KLRD1: variants seen among roughly 807,000 people sequenced by gnomAD.
KLRD1 encodes natural killer cells antigen CD94.
A neutral mutation model predicts 22.6 loss-of-function variants in KLRD1; 21 were observed. The observed-to-expected ratio is 0.93, with a 90% CI of 0.66 to 1.34. KLRD1 has a LOEUF of 1.34. KLRD1 is among the 40% of genes most tolerant of loss of function. The pLI, the probability that KLRD1 is intolerant of heterozygous loss-of-function variation, is 0.00. For synonymous variants in KLRD1, 59 were observed against 71.1 expected (o/e 0.83, Z 0.85); for missense variants, 183 against 208.6 (o/e 0.88, Z 0.76).
chr12:10,239,517 CCCTT>C (rs1465220790), intron 1 of KLRD1, among the ~76,000 whole-genome samples: 1 of 45,814 alleles, frequency 2.2e-5, no homozygotes, highest in African/African-American at 6.6e-5. Flanking sequence ...TCCTTCCCTC[CCCTT>C]TCTTTCTTTC....
chr12:10,243,636 G>GAAAAAAAAAAAAAAAAAAAAAA, intron 1 of KLRD1, among the ~76,000 whole-genome samples: 1 of 124,428 alleles, frequency 8.0e-6, no homozygotes, highest in East Asian at 2.4e-4. Flanking sequence ...AAAAAAAACC[G>GAAAAAAAAAAAAAAAAAAAAAA]AAATGAAAGA....
At chr12:10,293,024 A>ATTT (rs1224037713) in intron 1 of KLRD1, among the ~76,000 whole-genome samples, 1 of 138,704 alleles carries the variant, frequency 7.2e-6, no homozygotes, top group Non-Finnish European at 1.6e-5. Flanking sequence ...CTAGTTTCCA[A>ATTT]TTTTTTTTTT....
chr12:10,251,147 T>G (rs549926496), intron 1 of KLRD1, among the ~76,000 whole-genome samples: 1 of 151,746 alleles, frequency 6.6e-6, no homozygotes, highest in Non-Finnish European at 1.5e-5. Flanking sequence ...CTTTTTGAGA[T>G]GGGGTCTCAC....
Position 10,316,166 on chromosome 12 carries a change from C to T in KLRD1, c.*1373C>T, listed in dbSNP as rs1470841554. The stretch of plus-strand genomic sequence containing the variant: ...ATGAAAGGATTTGGAACCTTAATTG[C>T]ATCTGAAAAACTGCCTCACCTTTGT... On this transcript the variant is annotated 3_prime_UTR_variant, in exon 6 of 6. Coordinates refer to ENST00000336164, the MANE Select transcript of KLRD1 (RefSeq NM_002262.5). 6.9e-6 allele frequency: 1 copy of T among 145,710 alleles called. No homozygotes were observed. Among genetic ancestry groups the T allele is most frequent in the African/African-American group, 2.5e-5 (1 of 39,264 alleles). 9.0% of individuals were successfully genotyped at this position (145,710 alleles called of 1,614,324 possible).
intron 1 of KLRD1, among the ~76,000 whole-genome samples, chr12:10,276,968 A>G (rs147062151): frequency 7.2e-5 from 11 of 152,306 alleles, no homozygotes; most frequent in African/African-American, 1.7e-4. Context: ...TGGAAACAAA[A>G]TCATTCAGAT....
chr12:10,303,586 T>G (rs74841010), upstream of KLRD1, among the ~76,000 whole-genome samples: 2,478 of 152,322 alleles, frequency 0.016, 60 homozygotes, highest in African/African-American at 0.056. Flanking sequence ...AAAGGGCAGC[T>G]TTTCACATGA....
chr12:10,296,339 AC>A (rs1350824903), intron 1 of KLRD1, among the ~76,000 whole-genome samples: 13 of 152,060 alleles, frequency 8.5e-5, no homozygotes, highest in African/African-American at 2.9e-4. Flanking sequence ...ACACAGTGAA[AC>A]CCCGTCTCTA....
chr12:10,320,590 A>G lies in KLRD1; in HGVS notation c.*5797A>G, dbSNP rs1293520316. On this transcript the variant is annotated 3_prime_UTR_variant, in exon 6 of 6. Transcript: ENST00000336164. Reference sequence around the variant, plus strand: ...TATAGAACACACATAAGCTAATGGAAGGGCTGTTGAGCAAAAGAAGACAGA... The same window carrying G: ...TATAGAACACACATAAGCTAATGGAGGGGCTGTTGAGCAAAAGAAGACAGA... The G allele has an allele frequency of 6.6e-6, 1 of 152,222 alleles. No individual in the cohort carries two copies. The highest frequency in any genetic ancestry group is 6.5e-5 in the Admixed American group (1 of 15,280). The allele number at this position is 152,222 out of a possible 1,614,324, so 9.4% of individuals were successfully genotyped here. A position where few individuals can be genotyped will look rare whatever the true frequency, so the allele number is the denominator to read the frequency against.
Position 10,286,662 on chromosome 12 carries a change from C to CTTTTTTT in KLRD1, c.-100-21295_-100-21289dup, listed in dbSNP as rs747241701. Among the ~76,000 whole-genome samples, 58 of 54,806 alleles carry CTTTTTTT rather than the reference C, an allele frequency of 1.1e-3. 13 individuals are homozygous for CTTTTTTT. The highest frequency in any genetic ancestry group is 3.9e-3 in the African/African-American group (50 of 12,944). 36.0% of individuals were successfully genotyped at this position (54,806 alleles called of 152,430 possible). A position where few individuals can be genotyped will look rare whatever the true frequency, so the allele number is the denominator to read the frequency against. On this transcript the variant is annotated intron_variant, in intron 1 of 5. Coordinates refer to the KLRD1 transcript ENST00000544747. ...TCATCATTTTATTTCGCTTATGGTGCTTTTTTTTTTTTTTTTTTTTTTTTT... is the reference window on the plus strand; with the variant it reads ...TCATCATTTTATTTCGCTTATGGTGCTTTTTTTTTTTTTTTTTTTTTTTTTTTTTTTT...
At chr12:10,278,011 A>G (rs1488086675) in intron 1 of KLRD1, among the ~76,000 whole-genome samples, 1 of 152,232 alleles carries the variant, frequency 6.6e-6, no homozygotes, top group Non-Finnish European at 1.5e-5. Flanking sequence ...ATGACAACAC[A>G]GCGACCATCA....
At chr12:10,292,086 A>G (rs1949775782) in intron 1 of KLRD1, among the ~76,000 whole-genome samples, 1 of 152,198 alleles carries the variant, frequency 6.6e-6, no homozygotes, top group Non-Finnish European at 1.5e-5. Context: ...GATTGTAAAT[A>G]GTGAATGCGG....
chr12:10,263,383 A>G (rs1308056297), intron 1 of KLRD1, among the ~76,000 whole-genome samples: 2 of 152,052 alleles, frequency 1.3e-5, no homozygotes, highest in Non-Finnish European at 2.9e-5. Flanking sequence ...CTACCTTCAT[A>G]TATGAAATCT....
chr12:10,273,619 A>G (rs1315292034), intron 1 of KLRD1, among the ~76,000 whole-genome samples: 2 of 152,238 alleles, frequency 1.3e-5, no homozygotes, highest in Non-Finnish European at 2.9e-5. Flanking sequence ...TAACAAAAGC[A>G]TATAATTTCA....
At chr12:10,249,989 T>C (rs1949329956) in intron 1 of KLRD1, among the ~76,000 whole-genome samples, 2 of 152,184 alleles carry the variant, frequency 1.3e-5, no homozygotes, top group African/African-American at 4.8e-5. Context: ...ATAGTAGTCC[T>C]TTTGTTTTCT....
intron 1 of KLRD1, among the ~76,000 whole-genome samples, chr12:10,244,237 GAA>G (rs569594806): frequency 6.7e-6 from 1 of 149,302 alleles, no homozygotes; most frequent in Non-Finnish European, 1.5e-5. Context: ...GAACATAAAA[GAA>G]AAGAGAGAGA....
At chr12:10,270,154 T>A (rs2137642435) in intron 1 of KLRD1, among the ~76,000 whole-genome samples, 1 of 152,310 alleles carries the variant, frequency 6.6e-6, no homozygotes, top group Non-Finnish European at 1.5e-5. Flanking sequence ...CACTCAGCTA[T>A]CCACTAACAT....
chr12:10,241,586 A>C (rs1949241281), intron 1 of KLRD1, among the ~76,000 whole-genome samples: 1 of 152,146 alleles, frequency 6.6e-6, no homozygotes. Context: ...AAAGATTTAC[A>C]CCTCAAAGCG....
intron 5 of KLRD1, among the ~76,000 whole-genome samples, 195 bp downstream of exon 5, chr12:10,313,708 C>G (rs1194516729): frequency 1.3e-5 from 2 of 151,986 alleles, no homozygotes; most frequent in Non-Finnish European, 2.9e-5. Context: ...GTGTTAAAAT[C>G]AAAACAGAAG....
Position 10,239,777 on chromosome 12 carries a change from G to T in KLRD1, c.-101+13544G>T, listed in dbSNP as rs576907160. ...CTGCCTCAGCCTCCTAAGTAGCTGG[G>T]ATTACAGGTGCCCGCCATCATGCCC... On this transcript the variant is annotated intron_variant, in intron 1 of 5. Coordinates refer to the KLRD1 transcript ENST00000544747. Among the ~76,000 whole-genome samples, 442 of 151,650 alleles carry T rather than the reference G, an allele frequency of 2.9e-3. 1 individual carries two copies. Among genetic ancestry groups the T allele is most frequent in the Non-Finnish European group, 5.2e-3 (351 of 67,936 alleles).
Sources: allele counts gnomAD v4.1 joint callset (sites outside exome capture counted in the v4.1 genomes callset), GRCh38; gene constraint gnomAD v4.1.1; transcripts MANE v1.5; gene names NCBI Gene and HGNC (gene_info 2026-07-23, HGNC 2026-07-21).